Variants in SH3D19 observed in about 807,000 individuals in gnomAD.
The protein encoded by SH3D19 is SH3 domain-containing protein 19.
SH3D19 carries 58 observed loss-of-function variants against 112.1 expected under a neutral mutation model. The observed-to-expected ratio is 0.52, with a 90% CI of 0.42 to 0.64. The LOEUF is 0.64. Ranked by LOEUF, SH3D19 falls within the 30% of genes least tolerant of loss-of-function variation. SH3D19 has a pLI of 0.00. For synonymous variants in SH3D19, 391 were observed against 448.5 expected (o/e 0.87, Z 1.62); for missense variants, 1,090 against 1,263.4 (o/e 0.86, Z 2.08).
intron 1 of SH3D19, among the ~76,000 whole-genome samples, chr4:151,300,919 C>T (rs958311471): frequency 5.3e-5 from 8 of 152,180 alleles, no homozygotes; most frequent in African/African-American, 1.9e-4. Context: ...AATTGACTGA[C>T]TATATGTAGG....
At position 151,147,873 on chromosome 4, in the gene SH3D19, C is replaced by T. The variant is rs777818686; in HGVS notation, c.2082+49G>A. 3.2e-6 allele frequency: 5 copies of T among 1,543,648 alleles called. No individual in the cohort carries two copies. The South Asian group carries it at 3.9e-5, about 12-fold the overall frequency. On this transcript the variant is annotated intron_variant, in intron 11 of 19. Coordinates refer to ENST00000604030, the MANE Select transcript of SH3D19 (RefSeq NM_001378122.1). ...TAAGGAATGATGAATCGTATATATA[C>T]TTTAGGGCACACCTCTTGACCACAA... is the stretch of plus-strand genomic sequence containing the variant.
At chr4:151,309,774 G>C (rs1187723823) in intron 1 of SH3D19, among the ~76,000 whole-genome samples, 1 of 150,170 alleles carries the variant, frequency 6.7e-6, no homozygotes, top group Non-Finnish European at 1.5e-5. Context: ...AGGATCACTT[G>C]AGTCCAGAAG....
At chr4:151,151,178 C>T (rs1423328987) in intron 9 of SH3D19, among the ~76,000 whole-genome samples, 3 of 152,090 alleles carry the variant, frequency 2.0e-5, no homozygotes, top group African/African-American at 7.2e-5. Context: ...CCAGGATGGT[C>T]TCAAACTCCT....
At chr4:151,275,272 A>G (rs919817273) in intron 1 of SH3D19, among the ~76,000 whole-genome samples, 11 of 151,994 alleles carry the variant, frequency 7.2e-5, no homozygotes, top group Non-Finnish European at 1.6e-4. Flanking sequence ...ATTTTTTAGT[A>G]GAGACGGGTT....
In SH3D19 at chr4:151,121,879, C is replaced by T. The variant is rs562639019; in HGVS notation, c.*212G>A. ...CACTAGATGTTTTCCTCGGTAGAAT[C>T]CTAGCTCATGGGTTTCCATGTGCAT... On this transcript the variant is annotated 3_prime_UTR_variant, in exon 20 of 20. Transcript: ENST00000604030. 4.5e-5 allele frequency: 19 copies of T among 423,924 alleles called. No individual in the cohort carries two copies. The highest frequency in any genetic ancestry group is 3.7e-4 in the African/African-American group (18 of 48,764). 26.3% of individuals were successfully genotyped at this position (423,924 alleles called of 1,614,324 possible). A position where few individuals can be genotyped will look rare whatever the true frequency, so the allele number is the denominator to read the frequency against.
chr4:151,124,900 G>T (rs1561183523), intron 19 of SH3D19, among the ~76,000 whole-genome samples: 1 of 152,118 alleles, frequency 6.6e-6, no homozygotes, highest in Non-Finnish European at 1.5e-5. Flanking sequence ...GGAGGATACT[G>T]TGCATTCTGT....
At chr4:151,214,930 C>A (rs1275754079) in intron 2 of SH3D19, among the ~76,000 whole-genome samples, 1 of 142,510 alleles carries the variant, frequency 7.0e-6, no homozygotes, top group African/African-American at 2.5e-5. Context: ...GGTTGCCAGG[C>A]GGAGGGTCTC....
At chr4:151,242,846 T>C (rs1770666248) in intron 1 of SH3D19, among the ~76,000 whole-genome samples, 2 of 152,058 alleles carry the variant, frequency 1.3e-5, no homozygotes, top group African/African-American at 4.8e-5. Context: ...ATATGATACA[T>C]GGGAAATAAA....
intron 1 of SH3D19, among the ~76,000 whole-genome samples, chr4:151,275,945 C>A (rs986366245): frequency 3.4e-5 from 5 of 145,288 alleles, no homozygotes; most frequent in African/African-American, 5.1e-5. Flanking sequence ...CGGGTTCAAG[C>A]GATTCTCCTG....
intron 1 of SH3D19, among the ~76,000 whole-genome samples, chr4:151,319,773 T>C (rs569203447): frequency 1.1e-4 from 16 of 152,354 alleles, no homozygotes; most frequent in African/African-American, 3.8e-4. Flanking sequence ...ATGAATGCAG[T>C]TGTGAAAGCC....
intron 1 of SH3D19, among the ~76,000 whole-genome samples, chr4:151,278,401 G>A (rs6810411): frequency 0.02 from 2,739 of 134,852 alleles, 84 homozygotes; most frequent in African/African-American, 0.065. Flanking sequence ...CCTAGTAGCT[G>A]GGACTACAGG....
At chr4:151,124,080 C>T (rs1179339139) in intron 19 of SH3D19, among the ~76,000 whole-genome samples, 2 of 151,288 alleles carry the variant, frequency 1.3e-5, no homozygotes, top group African/African-American at 4.8e-5. Flanking sequence ...TCCAAACCTA[C>T]ATACCATGTC....
At chr4:151,230,426 C>T (rs1187060741) in intron 1 of SH3D19, among the ~76,000 whole-genome samples, 2 of 152,132 alleles carry the variant, frequency 1.3e-5, no homozygotes, top group Non-Finnish European at 2.9e-5. Context: ...GCTTTGATCA[C>T]TTAACAGGAG....
Position 151,232,282 on chromosome 4 carries a change from G to A in SH3D19, c.113-6196C>T, listed in dbSNP as rs375884703. On this transcript the variant is annotated intron_variant, in intron 1 of 19. Transcript: ENST00000604030. ...TTACCCTCATTTTAGGTTCTTATCA[G>A]CAATTGTCTGGACTCTTATGTCCTG... Among the ~76,000 whole-genome samples, 298 of 152,270 alleles carry A rather than the reference G, an allele frequency of 2.0e-3. 5 individuals carry two copies. The highest frequency in any genetic ancestry group is 7.9e-3 in the South Asian group (38 of 4,818).
intron 1 of SH3D19, among the ~76,000 whole-genome samples, chr4:151,274,674 T>C (rs1773456161): frequency 6.6e-6 from 1 of 152,224 alleles, no homozygotes; most frequent in African/African-American, 2.4e-5. Context: ...TTCAGGGTTG[T>C]CCTATGGCAG....
Position 151,174,869 on chromosome 4 carries a change from A to AGTG in SH3D19, c.1332_1334dup (p.Thr445dup). ...ATGCCCCTGCGAGTCGGGGAGGAAC[A>AGTG]GTGACAGGTTTCAGTGGAGCTGAAG... On this transcript the variant is annotated inframe_insertion, in exon 7 of 20. Transcript: ENST00000604030. 1 of 1,607,936 alleles carries AGTG rather than the reference A, an allele frequency of 6.2e-7. No homozygotes were observed. The highest frequency in any genetic ancestry group is 8.5e-7 in the Non-Finnish European group (1 of 1,176,732).
intron 1 of SH3D19, among the ~76,000 whole-genome samples, chr4:151,269,756 ATT>A (rs557863119): frequency 2.0e-3 from 311 of 152,034 alleles, no homozygotes; most frequent in African/African-American, 7.1e-3. Context: ...GTACAAAAAT[ATT>A]TTCTTTCCTT....
chr4:151,175,606 C>T lies in SH3D19; in HGVS notation c.598G>A (p.Val200Met), dbSNP rs1648936062. The T allele has an allele frequency of 7.6e-7, 1 of 1,316,470 alleles. No homozygotes were observed. The highest frequency in any genetic ancestry group is 2.7e-5 in the South Asian group (1 of 37,382). The allele number at this position is 1,316,470 out of a possible 1,614,324, so 81.5% of individuals were successfully genotyped here. A position where few individuals can be genotyped will look rare whatever the true frequency, so the allele number is the denominator to read the frequency against. Residue 200 changes from valine (V) to methionine (M), a missense_variant, in exon 7 of 20, where the codon GTG becomes ATG. Transcript: ENST00000604030. ...AVSSGNLPTN[V>M]APLIVFDISE... Reference sequence around the variant, plus strand: ...ATATCAAAGACGATTAAAGGTGCCACATTTGTTGGAAGATTGCCAGACGAG... The same window carrying T: ...ATATCAAAGACGATTAAAGGTGCCATATTTGTTGGAAGATTGCCAGACGAG...
intron 1 of SH3D19, chr4:151,278,990 T>C: frequency 3.9e-6 from 1 of 253,576 alleles, no homozygotes; most frequent in Non-Finnish European, 7.9e-6. Context: ...AAATATTCAC[T>C]GAGAACCTGT....
Sources: gnomAD v4.1 joint callset for allele counts (sites outside exome capture counted in the v4.1 genomes callset) on GRCh38, gnomAD v4.1.1 for gene constraint, MANE v1.5 for transcripts, NCBI Gene and HGNC (gene_info 2026-07-23, HGNC 2026-07-21) for gene names.